LRBA: variants seen among roughly 807,000 people sequenced by gnomAD.
LRBA encodes the protein LPS responsive beige-like anchor protein.
In LRBA, 176 loss-of-function variants were observed where a neutral mutation model predicts 330.0. The ratio of observed to expected loss-of-function variants is 0.53; its 90% CI spans 0.47 to 0.60. LRBA has a LOEUF of 0.60. Ranked by LOEUF, LRBA falls within the 20% of genes least tolerant of loss-of-function variation. The probability of loss-of-function intolerance (pLI) is 0.00; values close to 1 mark genes in which losing one functional copy is unlikely to be tolerated. For missense variants in LRBA, 3,259 were observed against 3,444.8 expected (o/e 0.95, Z 1.35); for synonymous variants, 1,230 against 1,193.0 (o/e 1.03, Z -0.64).
intron 38 of LRBA, among the ~76,000 whole-genome samples, chr4:150,595,555 G>A (rs58667413): frequency 6.6e-6 from 1 of 151,778 alleles, no homozygotes; most frequent in South Asian, 2.1e-4. Flanking sequence ...GAATTCAATA[G>A]GATTCTCTGC....
intron 40 of LRBA, among the ~76,000 whole-genome samples, chr4:150,573,335 A>T (rs762883964): frequency 2.6e-5 from 4 of 152,206 alleles, no homozygotes; most frequent in African/African-American, 7.2e-5. Context: ...ATAAATTCAC[A>T]AATAGCAATG....
intron 40 of LRBA, chr4:150,584,321 C>T (rs1707557480): frequency 2.1e-6 from 1 of 470,422 alleles, no homozygotes; most frequent in Non-Finnish European, 3.6e-6. Flanking sequence ...TGATCGTTTT[C>T]TTCCAAACAA....
At chr4:150,614,905 A>T (rs1375241473) in intron 37 of LRBA, among the ~76,000 whole-genome samples, 1 of 152,248 alleles carries the variant, frequency 6.6e-6, no homozygotes, top group East Asian at 1.9e-4. Flanking sequence ...TCAGCTGGCC[A>T]TATCTGTGAC....
chr4:150,444,236 T>G (rs1752291979), intron 44 of LRBA, among the ~76,000 whole-genome samples: 3 of 152,064 alleles, frequency 2.0e-5, no homozygotes, highest in South Asian at 4.1e-4. Context: ...TTTTCTGTTT[T>G]TTTCTTTTCT....
intron 40 of LRBA, among the ~76,000 whole-genome samples, chr4:150,502,756 T>C (rs368028817): frequency 6.6e-5 from 10 of 152,196 alleles, no homozygotes; most frequent in African/African-American, 2.4e-4. Context: ...GGGCAAGGCA[T>C]TGCCTTACCC....
chr4:150,914,434 C>G (rs770309701), intron 8 of LRBA, 93 bp from the exon 9 acceptor site: 4 of 837,780 alleles, frequency 4.8e-6, no homozygotes, highest in Non-Finnish European at 7.0e-6. Context: ...TTTGTCCATT[C>G]TAAACTGTAT....
chr4:150,791,275 G>T (rs1739867759), intron 34 of LRBA, among the ~76,000 whole-genome samples: 1 of 152,086 alleles, frequency 6.6e-6, no homozygotes, highest in Non-Finnish European at 1.5e-5. Flanking sequence ...TTATCACAAG[G>T]TACTCACTGT....
intron 37 of LRBA, among the ~76,000 whole-genome samples, chr4:150,599,799 C>T (rs1057136328): frequency 6.6e-6 from 1 of 152,128 alleles, no homozygotes; most frequent in Non-Finnish European, 1.5e-5. Context: ...AAATGCATTT[C>T]TTTTCCATTT....
intron 29 of LRBA, among the ~76,000 whole-genome samples, chr4:150,829,066 C>T (rs1746761354): frequency 6.6e-6 from 1 of 151,896 alleles, no homozygotes; most frequent in African/African-American, 2.4e-5. Context: ...TCTCAAGTAG[C>T]TGAGACTACA....
chr4:150,289,048 T>C (rs765684784), intron 53 of LRBA, among the ~76,000 whole-genome samples: 4 of 152,162 alleles, frequency 2.6e-5, no homozygotes, highest in African/African-American at 9.7e-5. Flanking sequence ...AGGGAGAGGA[T>C]TGCTGTCAAT....
chr4:150,507,104 C>T (rs1004208740), intron 40 of LRBA, among the ~76,000 whole-genome samples: 32 of 151,666 alleles, frequency 2.1e-4, no homozygotes, highest in Non-Finnish European at 5.9e-5. Flanking sequence ...AAGAACATTC[C>T]ATGCTCATGG....
intron 40 of LRBA, among the ~76,000 whole-genome samples, chr4:150,504,579 A>G (rs2152121637): frequency 6.6e-6 from 1 of 152,354 alleles, no homozygotes; most frequent in South Asian, 2.1e-4. Flanking sequence ...GCCCTAAAGG[A>G]GCTCCTGAAG....
chr4:150,535,872 C>T (rs1232209709), intron 40 of LRBA, among the ~76,000 whole-genome samples: 1 of 152,122 alleles, frequency 6.6e-6, no homozygotes, highest in Admixed American at 6.5e-5. Context: ...TAGTTAAGAA[C>T]AGAACTTCGA....
chr4:150,910,366 T>G (rs1731845978), intron 9 of LRBA, among the ~76,000 whole-genome samples: 1 of 152,198 alleles, frequency 6.6e-6, no homozygotes, highest in African/African-American at 2.4e-5. Flanking sequence ...TATAAAACTT[T>G]TCTTTCTTAT....
chr4:150,375,084 G>A (rs200755235), intron 47 of LRBA, among the ~76,000 whole-genome samples: 3 of 1,012 alleles, frequency 3.0e-3, no homozygotes, highest in African/African-American at 5.6e-3. Flanking sequence ...GTAAGAGTAA[G>A]GGGGGGAATT....
chr4:150,489,226 T>TAC (rs1168801339), intron 41 of LRBA, among the ~76,000 whole-genome samples: 5 of 105,748 alleles, frequency 4.7e-5, no homozygotes, highest in African/African-American at 2.0e-4. Flanking sequence ...GAATATATAA[T>TAC]ATATTATATA....
At chr4:150,669,443 T>C (rs936817196) in intron 37 of LRBA, among the ~76,000 whole-genome samples, 1 of 152,240 alleles carries the variant, frequency 6.6e-6, no homozygotes, top group Non-Finnish European at 1.5e-5. Context: ...TTAGTTATCA[T>C]GTCTTCTTAG....
At chr4:150,423,130 C>A in intron 46 of LRBA, 2 of 925,490 alleles carry the variant, frequency 2.2e-6, no homozygotes, top group Non-Finnish European at 1.8e-6. Context: ...CAGGAAGCTA[C>A]CACCACCAAA....
chr4:150,435,434 A>G lies in LRBA; in HGVS notation c.7041+155T>C, dbSNP rs542442812. On this transcript the variant is annotated intron_variant, in intron 46 of 56. Coordinates refer to ENST00000651943, the MANE Select transcript of LRBA (RefSeq NM_001364905.1). ...AAAGACAAGAGATAGAGACAGAGAGAGACATGCTGTAATTCTTGGCCATTT... is the reference window on the plus strand; with the variant it reads ...AAAGACAAGAGATAGAGACAGAGAGGGACATGCTGTAATTCTTGGCCATTT... 7.9e-5 allele frequency among the ~76,000 whole-genome samples: 12 copies of G among 152,262 alleles called. No homozygotes were observed. The South Asian group carries it at 2.5e-3, about 32-fold the overall frequency.
Sources: allele counts gnomAD v4.1 joint callset (sites outside exome capture counted in the v4.1 genomes callset), GRCh38; gene constraint gnomAD v4.1.1; transcripts MANE v1.5; gene names NCBI Gene and HGNC (gene_info 2026-07-23, HGNC 2026-07-21).